The following RRP12 variants were observed in gnomAD, a reference collection of about 807,000 sequenced individuals.
The protein encoded by RRP12 is RRP12-like protein.
A neutral mutation model predicts 157.3 loss-of-function variants in RRP12; 78 were observed. The observed-to-expected ratio is 0.50, with a 90% CI of 0.41 to 0.60. The LOEUF (loss-of-function observed/expected upper bound fraction) is 0.60. RRP12 is among the 20% of genes least tolerant of loss of function. The pLI, the probability that RRP12 is intolerant of heterozygous loss-of-function variation, is 0.00. For synonymous variants in RRP12, 726 were observed against 670.9 expected (o/e 1.08, Z -1.27); for missense variants, 1,521 against 1,679.9 (o/e 0.91, Z 1.65).
intron 6 of RRP12, among the ~76,000 whole-genome samples, chr10:97,389,603 G>A (rs540749309): frequency 6.6e-6 from 1 of 152,280 alleles, no homozygotes; most frequent in South Asian, 2.1e-4. Context: ...GAAACAGTGG[G>A]GAACCATCAC....
At chr10:97,368,025 C>T (rs1373291117) in intron 25 of RRP12, among the ~76,000 whole-genome samples, 1 of 145,616 alleles carries the variant, frequency 6.9e-6, no homozygotes, top group African/African-American at 2.6e-5. Flanking sequence ...AGCCACTGTG[C>T]CTGGCTTTTT....
intron 29 of RRP12, chr10:97,365,881 T>A (rs1843961430): frequency 7.0e-6 from 4 of 571,980 alleles, no homozygotes; most frequent in Admixed American, 3.2e-5. Flanking sequence ...GAAGTACCAT[T>A]TCCGATAGTT....
At chr10:97,371,972 G>T in intron 20 of RRP12, 101 bp downstream of exon 20, 4 of 745,898 alleles carry the variant, frequency 5.4e-6, no homozygotes, top group Non-Finnish European at 8.9e-6. Flanking sequence ...CCTGATCTCG[G>T]GAAGCAGCAA....
chr10:97,370,749 T>G lies in RRP12; in HGVS notation c.2550A>C (p.Glu850Asp), dbSNP rs145547775. 83 of 1,614,112 alleles carry G rather than the reference T, an allele frequency of 5.1e-5. No homozygotes were observed. In the Middle Eastern group the frequency reaches 9.9e-4, roughly 19 times the overall value. ...LLHIVRKLSA[E>D]HKEFITALIP... Reference sequence around the variant, plus strand: ...TGAGGGCAGTGATGAACTCCTTGTGTTCAGCTGAGAGCTTCCTCACGATGT... The same window carrying G: ...TGAGGGCAGTGATGAACTCCTTGTGGTCAGCTGAGAGCTTCCTCACGATGT... Residue 850 changes from glutamate to aspartate, a missense_variant, in exon 22 of 34, where the codon GAA becomes GAC. Transcript: ENST00000370992.
chr10:97,397,846 C>T (rs1845010870), intron 2 of RRP12, among the ~76,000 whole-genome samples: 1 of 150,062 alleles, frequency 6.7e-6, no homozygotes, highest in Admixed American at 6.7e-5. Context: ...GTAGTCCCAG[C>T]TACTTGGGAA....
intron 6 of RRP12, 86 bp from the exon 7 acceptor site, chr10:97,388,710 C>T: frequency 2.6e-6 from 4 of 1,520,216 alleles, no homozygotes; most frequent in Non-Finnish European, 3.6e-6. Flanking sequence ...AACCAATTAG[C>T]TTTGGCTGAA....
At position 97,369,416 on chromosome 10, in the gene RRP12, G is replaced by T; in HGVS notation, c.2955+9C>A. 6.2e-7 allele frequency: 1 copy of T among 1,611,034 alleles called. No homozygotes were observed. The highest frequency in any genetic ancestry group is 8.5e-7 in the Non-Finnish European group (1 of 1,178,936). On this transcript the variant is annotated intron_variant, in intron 25 of 33. Transcript: ENST00000370992. ...CCTGCTACCTGCTAAGGGGAACGGG[G>T]ACACTCACCACCAGCTGCACATGTT...
chr10:97,390,310 G>T, intron 6 of RRP12, 113 bp downstream of exon 6: 1 of 801,526 alleles, frequency 1.2e-6, no homozygotes. Context: ...GAAAGCAGAA[G>T]CCAGTACTCA....
At chr10:97,398,448 G>A (rs1295219565) in intron 2 of RRP12, among the ~76,000 whole-genome samples, 1 of 149,066 alleles carries the variant, frequency 6.7e-6, no homozygotes, top group Non-Finnish European at 1.5e-5. Context: ...CTGCCTCCAG[G>A]GTTCAAGTGA....
rs746850145 is a variant in RRP12 at position 97,369,453 on chromosome 10, G to C, written c.2927C>G (p.Ala976Gly). The stretch of plus-strand genomic sequence containing the variant: ...CAGCTGCACATGTTTGGCCAGGTGC[G>C]CCACGTCCATGACAGTCACTGCCAC... ...IKVAVTVMDV[A>G]HLAKHVQLVM... The change falls in exon 25 of 34, where the codon GCG (alanine) becomes GGG (glycine). Residue 976 changes from alanine (A) to glycine (G), a missense_variant. Transcript: ENST00000370992. The C allele has an allele frequency of 6.2e-6, 10 of 1,612,256 alleles. No homozygotes were observed. The East Asian group carries it at 2.0e-4, about 32-fold the overall frequency.
Position 97,388,266 on chromosome 10 carries a change from T to G in RRP12, c.1003A>C (p.Thr335Pro). The change falls in exon 8 of 34, where the codon ACC becomes CCC. Residue 335 changes from threonine to proline, a missense_variant. Coordinates refer to ENST00000370992, the MANE Select transcript of RRP12 (RefSeq NM_015179.4). ...SCSETLLRVM[T>P]LSHVLVTACA... ...CCTGAGCTCACCACATGGCTCAAGG[T>G]CATGACCCTGAGGAGAGTCTCACTG... 1 of 1,613,996 alleles carries G rather than the reference T, an allele frequency of 6.2e-7. No homozygotes were observed. The highest frequency in any genetic ancestry group is 8.5e-7 in the Non-Finnish European group (1 of 1,180,016).
At chr10:97,368,367 C>CT (rs1554877169) in intron 25 of RRP12, among the ~76,000 whole-genome samples, 3 of 146,760 alleles carry the variant, frequency 2.0e-5, no homozygotes, top group East Asian at 2.0e-4. Flanking sequence ...CTATAAATCC[C>CT]TTTTTTTTGA....
At chr10:97,381,234 T>G in intron 12 of RRP12, 152 bp downstream of exon 12, 1 of 644,360 alleles carries the variant, frequency 1.6e-6, no homozygotes, top group Non-Finnish European at 2.7e-6. Context: ...CGGTAGCTGC[T>G]CCGGCAGATG....
At chr10:97,376,103 AAAACAAAC>A (rs111643590) in intron 15 of RRP12, among the ~76,000 whole-genome samples, 6 of 150,834 alleles carry the variant, frequency 4.0e-5, no homozygotes, top group Non-Finnish European at 8.9e-5. Flanking sequence ...ACTCTGTCTC[AAAACAAAC>A]AAACAAACAA....
chr10:97,385,090 G>T, intron 10 of RRP12, 76 bp downstream of exon 10: 2 of 514,396 alleles, frequency 3.9e-6, no homozygotes, highest in Non-Finnish European at 2.8e-6. Flanking sequence ...CACCTCGGCA[G>T]CCTGGACACA....
intron 2 of RRP12, 115 bp from the exon 3 acceptor site, chr10:97,396,416 A>G (rs572577473): frequency 8.7e-6 from 7 of 808,752 alleles, no homozygotes; most frequent in Non-Finnish European, 1.5e-5. Context: ...GAGACAGACA[A>G]GACAGGCAAC....
rs1844778322 is a variant in RRP12 at position 97,390,669 on chromosome 10, C to T, written c.636+70G>A. 5.1e-6 allele frequency: 7 copies of T among 1,384,438 alleles called. No homozygotes were observed. In the Admixed American group the frequency reaches 1.0e-4, roughly 20 times the overall value. The allele number at this position is 1,384,438 out of a possible 1,614,324, so 85.8% of individuals were successfully genotyped here. ...GGGTGCCTAAACCCCTCTCAGGGAA[C>T]ATCTAAGCATCACCAAATCAGACAG... On this transcript the variant is annotated intron_variant, in intron 5 of 33. Transcript: ENST00000370992.
chr10:97,377,022 G>A (rs1005556093), intron 15 of RRP12, among the ~76,000 whole-genome samples: 4 of 151,814 alleles, frequency 2.6e-5, no homozygotes, highest in Non-Finnish European at 5.9e-5. Flanking sequence ...TGGGATTATA[G>A]GCACCTACCA....
chr10:97,371,024 T>A lies in RRP12; in HGVS notation c.2401A>T (p.Ser801Cys). Residue 801 changes from serine (S) to cysteine (C), a missense_variant, in exon 21 of 34, where the codon AGT becomes TGT. Transcript: ENST00000370992. Reference protein sequence around the residue: ...AYRVLEEVCASPQGPGALFVQ... With the variant: ...AYRVLEEVCACPQGPGALFVQ... ...AAGAGGGCCCCGGGGCCCTGAGGAC[T>A]GGCACACACCTCCTCCAGCACTCGG... The A allele has an allele frequency of 6.2e-7, 1 of 1,613,928 alleles. No homozygotes were observed. The highest frequency in any genetic ancestry group is 8.5e-7 in the Non-Finnish European group (1 of 1,179,976).
Sources: gnomAD v4.1 joint callset for allele counts (sites outside exome capture counted in the v4.1 genomes callset) on GRCh38, gnomAD v4.1.1 for gene constraint, MANE v1.5 for transcripts, NCBI Gene and HGNC (gene_info 2026-07-23, HGNC 2026-07-21) for gene names.